The following MAP1B variants were observed in gnomAD, a reference collection of about 807,000 sequenced individuals.
MAP1B encodes microtubule-associated protein 1B.
A neutral mutation model predicts 176.1 loss-of-function variants in MAP1B; 12 were observed. The ratio of observed to expected loss-of-function variants is 0.07; its 90% CI spans 0.04 to 0.11. The LOEUF is 0.11. Ranked by LOEUF, MAP1B falls within the 10% of genes least tolerant of loss-of-function variation. The pLI is 1.00. For synonymous variants in MAP1B, 1,044 were observed against 1,135.0 expected, an observed-to-expected ratio of 0.92 and a Z score of 1.61; for missense variants, 2,523 against 2,990.5, an observed-to-expected ratio of 0.84 and a Z score of 3.65.
rs1429065075 is a variant in MAP1B at position 72,183,785 on chromosome 5, T to C, written c.329T>C (p.Val110Ala). 2 of 1,614,060 alleles carry C rather than the reference T, an allele frequency of 1.2e-6. No individual in the cohort carries two copies. Among genetic ancestry groups the C allele is most frequent in the Admixed American group, 3.3e-5 (2 of 60,012 alleles). Residue 110 changes from valine (V) to alanine (A), a missense_variant, in exon 3 of 7, where the codon GTG (valine) becomes GCG (alanine). By Grantham distance (64) the Val-to-Ala change is moderately conservative. This residue lies in a region of MAP1B where 307 missense variants were observed against 438.4 expected (regional missense o/e 0.70). Coordinates refer to ENST00000296755, the MANE Select transcript of MAP1B (RefSeq NM_005909.5). ...LHHRSDVLETVVLINPSDEAV... is the reference protein window; with the variant it reads ...LHHRSDVLETAVLINPSDEAV... The stretch of plus-strand genomic sequence containing the variant: ...CACCGAAGTGACGTTTTAGAAACAG[T>C]GGTCCTGATCAACCCTTCTGATGAA...
intron 2 of MAP1B, among the ~76,000 whole-genome samples, chr5:72,165,686 T>A (rs903265909): frequency 6.6e-6 from 1 of 152,188 alleles, no homozygotes; most frequent in Non-Finnish European, 1.5e-5. Context: ...AACAGGACTA[T>A]ATCACTACCC....
intron 2 of MAP1B, chr5:72,116,014 T>C (rs1332456335): frequency 2.1e-6 from 1 of 467,288 alleles, no homozygotes; most frequent in African/African-American, 2.0e-5. Context: ...TTAATGAGTT[T>C]TTAAGTTCTA....
At chr5:72,115,526 A>G (rs897014181) in intron 1 of MAP1B, among the ~76,000 whole-genome samples, 172 bp from the exon 2 acceptor site, 11 of 151,526 alleles carry the variant, frequency 7.3e-5, no homozygotes, top group Non-Finnish European at 1.3e-4. Context: ...TGGTGGAGAG[A>G]CCTCCCTGGC....
intron 2 of MAP1B, among the ~76,000 whole-genome samples, chr5:72,181,530 C>G (rs1210815243): frequency 6.6e-6 from 1 of 152,098 alleles, no homozygotes; most frequent in East Asian, 1.9e-4. Context: ...ATTACATTCA[C>G]AAGGTTGTAC....
At chr5:72,130,990 A>G (rs1188341352) in intron 2 of MAP1B, among the ~76,000 whole-genome samples, 2 of 152,344 alleles carry the variant, frequency 1.3e-5, no homozygotes, top group African/African-American at 4.8e-5. Context: ...GAATATACTC[A>G]TTTCACAAAT....
chr5:72,171,171 G>A (rs1746529898), intron 2 of MAP1B, among the ~76,000 whole-genome samples: 1 of 152,154 alleles, frequency 6.6e-6, no homozygotes, highest in African/African-American at 2.4e-5. Flanking sequence ...GAAAACATGA[G>A]CAAATATGGT....
At chr5:72,158,647 A>G (rs1481962828) in intron 2 of MAP1B, among the ~76,000 whole-genome samples, 2 of 152,200 alleles carry the variant, frequency 1.3e-5, no homozygotes, top group Non-Finnish European at 2.9e-5. Context: ...GTGATTTCCT[A>G]ATGAGACCCA....
rs190222412 is a variant in MAP1B, at chr5:72,198,949, C to G, written c.5594C>G (p.Pro1865Arg). Residue 1865 changes from proline to arginine, a missense_variant, in exon 5 of 7, where the codon CCT becomes CGT. Pro to Arg is a moderately radical substitution (Grantham distance 103). Transcript: ENST00000296755. ...GLEKDSGGKT[P>R]GDFSYAYQKP... is the part of the protein sequence containing the mutation. ...GAGAAGGACAGTGGAGGGAAGACAC[C>G]TGGTGACTTTAGCTATGCCTATCAA... 3 of 1,614,162 alleles carry G rather than the reference C, an allele frequency of 1.9e-6. No individual in the cohort carries two copies. In the African/African-American group the frequency reaches 4.0e-5, roughly 22 times the overall value.
chr5:72,156,506 A>C (rs777207544), intron 2 of MAP1B, among the ~76,000 whole-genome samples: 1 of 152,242 alleles, frequency 6.6e-6, no homozygotes, highest in Non-Finnish European at 1.5e-5. Flanking sequence ...CAGTAAAAGC[A>C]TAAGATATGA....
Position 72,156,735 on chromosome 5 carries a change from G to T in MAP1B, c.287-27008G>T, listed in dbSNP as rs74650724. Among the ~76,000 whole-genome samples, 240 of 152,292 alleles carry T rather than the reference G, an allele frequency of 1.6e-3. 3 individuals are homozygous for T. The East Asian group carries it at 0.039, about 25-fold the overall frequency. On this transcript the variant is annotated intron_variant, in intron 2 of 6. Coordinates refer to ENST00000296755, the MANE Select transcript of MAP1B (RefSeq NM_005909.5). ...TTAGGGACTCAAACATGATTCTTCT[G>T]GTTCCAGCTTCTGTTGCCGTGCACA...
rs181410369 is a variant in MAP1B, at chr5:72,179,038, C to T, written c.287-4705C>T. The stretch of plus-strand genomic sequence containing the variant: ...GCTTTGGGAGAGCACAAACAAAAGT[C>T]TCATTGTCTGCAAGGCCCCTCCTGC... On this transcript the variant is annotated intron_variant, in intron 2 of 6. Transcript: ENST00000296755. Among the ~76,000 whole-genome samples the T allele has an allele frequency of 5.2e-3, 796 of 152,210 alleles. 15 individuals carry two copies. Among genetic ancestry groups the T allele is most frequent in the African/African-American group, 0.018 (761 of 41,514 alleles).
At chr5:72,116,005 T>G in intron 2 of MAP1B, 1 of 481,716 alleles carries the variant, frequency 2.1e-6, no homozygotes. Context: ...TGTGGATTCT[T>G]AATGAGTTTT....
chr5:72,128,900 G>A (rs1745675535), intron 2 of MAP1B, among the ~76,000 whole-genome samples: 1 of 152,146 alleles, frequency 6.6e-6, no homozygotes. Flanking sequence ...CAGTCCTCCT[G>A]CCTTGGCCTC....
chr5:72,203,739 C>A lies in MAP1B; in HGVS notation c.7189C>A (p.Pro2397Thr). The A allele has an allele frequency of 6.2e-7, 1 of 1,613,658 alleles. No homozygotes were observed. The highest frequency in any genetic ancestry group is 8.5e-7 in the Non-Finnish European group (1 of 1,179,998). The change falls in exon 6 of 7, where the codon CCC becomes ACC. Residue 2397 changes from proline (P) to threonine (T), a missense_variant. Pro to Thr is a conservative substitution (Grantham distance 38). This residue lies in a region of MAP1B where 287 missense variants were observed against 401.5 expected (regional missense o/e 0.71). Transcript: ENST00000296755. The stretch of plus-strand genomic sequence containing the variant: ...TGGGAATGACCCTGCTGCTGAGGAG[C>A]CCAGCCGGGCTGTCCTGGACGCTTT... Reference protein sequence around the residue: ...VSGNDPAAEEPSRAVLDALLE... With the variant: ...VSGNDPAAEETSRAVLDALLE...
At position 72,183,821 on chromosome 5, in the gene MAP1B, C is replaced by G; in HGVS notation, c.365C>G (p.Thr122Ser). The G allele has an allele frequency of 6.8e-6, 11 of 1,613,850 alleles. No homozygotes were observed. The highest frequency in any genetic ancestry group is 9.3e-6 in the Non-Finnish European group (11 of 1,179,800). Residue 122 changes from threonine (T) to serine (S), a missense_variant, in exon 3 of 7, where the codon ACC (threonine) becomes AGC (serine). Thr to Ser is a moderately conservative substitution (Grantham distance 58). Around this residue, in one of 4 missense-constraint regions of MAP1B, gnomAD observed 307 missense variants for 438.4 expected, o/e 0.70. Transcript: ENST00000296755. ...AACCCTTCTGATGAAGCAGTCAGCACCGAGGTAAGCATTCAGCTCTGTAGA... is the reference window on the plus strand; with the variant it reads ...AACCCTTCTGATGAAGCAGTCAGCAGCGAGGTAAGCATTCAGCTCTGTAGA... ...LINPSDEAVS[T>S]EVRLMITDAA... is the part of the protein sequence containing the mutation.
chr5:72,196,465 A>T lies in MAP1B; in HGVS notation c.3110A>T (p.Glu1037Val), dbSNP rs1027868367. 1 of 1,613,786 alleles carries T rather than the reference A, an allele frequency of 6.2e-7. No homozygotes were observed. The highest frequency in any genetic ancestry group is 2.2e-5 in the East Asian group (1 of 44,884). ...GCCAGAGAGGAGGAATATGAGCCGG[A>T]AAAAATGGAAGCTGAAGACTATGTG... Reference protein sequence around the residue: ...EDAREEEYEPEKMEAEDYVMA... With the variant: ...EDAREEEYEPVKMEAEDYVMA... The change falls in exon 5 of 7, where the codon GAA becomes GTA. Residue 1037 changes from glutamate (E) to valine (V), a missense_variant. Around this residue, in one of 4 missense-constraint regions of MAP1B, gnomAD observed 1,925 missense variants for 2,126.0 expected, o/e 0.91. Coordinates refer to ENST00000296755, the MANE Select transcript of MAP1B (RefSeq NM_005909.5). The surrounding 1 kb of genome is among the most constrained non-coding windows in gnomAD (Gnocchi z 5.3).
At chr5:72,180,438 A>G (rs1452028157) in intron 2 of MAP1B, among the ~76,000 whole-genome samples, 1 of 152,188 alleles carries the variant, frequency 6.6e-6, no homozygotes, top group Non-Finnish European at 1.5e-5. Context: ...AAGACCTAGA[A>G]AGAGGATAGT....
chr5:72,128,273 A>C (rs910579953), intron 2 of MAP1B, among the ~76,000 whole-genome samples: 4 of 152,210 alleles, frequency 2.6e-5, no homozygotes, highest in Non-Finnish European at 5.9e-5. Context: ...TTATCACTGA[A>C]TCATTAGTGA....
chr5:72,111,464 T>C (rs890139029), intron 1 of MAP1B, among the ~76,000 whole-genome samples: 1 of 152,210 alleles, frequency 6.6e-6, no homozygotes, highest in Non-Finnish European at 1.5e-5. Context: ...CTGATGTCAC[T>C]TAACTGAATG....
Sources: allele counts gnomAD v4.1 joint callset (sites outside exome capture counted in the v4.1 genomes callset), GRCh38; gene constraint gnomAD v4.1.1; regional missense constraint gnomAD v4.1.1; non-coding constraint Gnocchi (gnomAD v3.1); transcripts MANE v1.5; gene names NCBI Gene and HGNC (gene_info 2026-07-23, HGNC 2026-07-21).